The following CDH13 variants were observed in gnomAD, a reference collection of about 807,000 sequenced individuals.
CDH13 encodes the protein cadherin-13.
In CDH13, 24 loss-of-function variants were observed where a neutral mutation model predicts 63.8. The observed-to-expected ratio is 0.38, with a 90% CI of 0.27 to 0.53. CDH13 has a LOEUF of 0.53. Among genes scored for constraint, CDH13 ranks in the 20% least tolerant of loss-of-function variants. The probability of loss-of-function intolerance (pLI) is 0.85; values close to 1 mark genes in which losing one functional copy is unlikely to be tolerated. For synonymous variants in CDH13, 503 were observed against 355.3 expected, an observed-to-expected ratio of 1.42 and a Z score of -4.67; for missense variants, 1,049 against 903.1, an observed-to-expected ratio of 1.16 and a Z score of -2.07.
chr16:82,862,229 G>C (rs895735973), intron 2 of CDH13, among the ~76,000 whole-genome samples: 22 of 152,260 alleles, frequency 1.4e-4, no homozygotes, highest in Non-Finnish European at 2.2e-4. Flanking sequence ...AGCAACCCTG[G>C]TTACATCATG....
At chr16:83,227,733 CAG>C (rs968921368) in intron 5 of CDH13, among the ~76,000 whole-genome samples, 4 of 152,240 alleles carry the variant, frequency 2.6e-5, no homozygotes, top group Admixed American at 6.5e-5. Flanking sequence ...TGGAGGAAAA[CAG>C]GGGAGCATCT....
intron 10 of CDH13, among the ~76,000 whole-genome samples, chr16:83,707,836 CAAAAAAA>C (rs61067563): frequency 5.7e-4 from 45 of 78,874 alleles, no homozygotes; most frequent in East Asian, 1.5e-3. Context: ...ACCCTAAAGG[CAAAAAAA>C]AAAAAAAAAA....
At chr16:82,714,869 C>A (rs2032248037) in intron 1 of CDH13, among the ~76,000 whole-genome samples, 1 of 139,708 alleles carries the variant, frequency 7.2e-6, no homozygotes, top group South Asian at 2.7e-4. Flanking sequence ...AACAGACTGC[C>A]ATCTAGAGCC....
Position 83,023,408 on chromosome 16 carries a change from T to C in CDH13, c.158-8602T>C, listed in dbSNP as rs547906760. ...CCATGTACAGTATCTTATATGTGTA[T>C]ATTTTTTGCCTTCCAGAAGTTATTT... On this transcript the variant is annotated intron_variant, in intron 2 of 13. Transcript: ENST00000567109. Among the ~76,000 whole-genome samples the C allele has an allele frequency of 7.2e-5, 11 of 152,302 alleles. No individual in the cohort carries two copies. The South Asian group carries it at 2.3e-3, about 32-fold the overall frequency.
chr16:82,706,448 G>T (rs1028720803), intron 1 of CDH13, among the ~76,000 whole-genome samples: 1 of 152,152 alleles, frequency 6.6e-6, no homozygotes. Flanking sequence ...CAGAGTAGAA[G>T]GCCGTGGAGC....
intron 7 of CDH13, among the ~76,000 whole-genome samples, chr16:83,530,889 C>G (rs1366501052): frequency 6.6e-6 from 1 of 152,174 alleles, no homozygotes; most frequent in Non-Finnish European, 1.5e-5. Flanking sequence ...GGGTCAGAGG[C>G]AGAGCTGTGC....
intron 4 of CDH13, among the ~76,000 whole-genome samples, chr16:83,161,919 T>G (rs1345993189): frequency 6.6e-6 from 1 of 152,220 alleles, no homozygotes; most frequent in Non-Finnish European, 1.5e-5. Context: ...AGAGAACAAA[T>G]GATCATTATT....
intron 1 of CDH13, among the ~76,000 whole-genome samples, chr16:82,691,272 G>A (rs1915617887): frequency 6.6e-6 from 1 of 152,220 alleles, no homozygotes; most frequent in Admixed American, 6.5e-5. Context: ...CCTGCAGTCA[G>A]TCTCCCTATA....
At chr16:83,008,851 G>A (rs1036879576) in intron 2 of CDH13, among the ~76,000 whole-genome samples, 2 of 152,190 alleles carry the variant, frequency 1.3e-5, no homozygotes, top group Non-Finnish European at 2.9e-5. Context: ...GAAGAAAGAG[G>A]TTTCATTGAC....
intron 5 of CDH13, among the ~76,000 whole-genome samples, chr16:83,314,518 C>G (rs376152223): frequency 1.9e-4 from 29 of 152,136 alleles, no homozygotes; most frequent in African/African-American, 6.5e-4. Context: ...TATGCCTCAT[C>G]ATGGAAAGAC....
rs200102690 is a variant in CDH13 at position 83,217,505 on chromosome 16, C to G, written c.636+8C>G. The G allele has an allele frequency of 3.7e-6, 6 of 1,611,294 alleles. No individual in the cohort carries two copies. The highest frequency in any genetic ancestry group is 5.1e-6 in the Non-Finnish European group (6 of 1,178,052). On this transcript the variant is annotated splice_region_variant and intron_variant, in intron 5 of 13. Transcript: ENST00000567109. ...GTAATCGCTGTTTATCAAGTGAGTA[C>G]CCCTCTCCCATGCCCACCCTGTGCG...
chr16:82,663,433 C>T (rs1306380076), intron 1 of CDH13, among the ~76,000 whole-genome samples: 1 of 152,234 alleles, frequency 6.6e-6, no homozygotes. Flanking sequence ...AATCCACACG[C>T]CTCGGCCTCC....
chr16:83,350,122 C>T (rs1364300), intron 6 of CDH13, among the ~76,000 whole-genome samples: 63,280 of 152,062 alleles, frequency 0.42, 15,885 homozygotes, highest in East Asian at 0.76. Flanking sequence ...GCCAGCTGTG[C>T]GCAAGGGAAA....
chr16:83,410,171 C>A (rs1292016176), intron 6 of CDH13, among the ~76,000 whole-genome samples: 4 of 152,046 alleles, frequency 2.6e-5, no homozygotes, highest in African/African-American at 9.7e-5. Flanking sequence ...AAGTGAAGCA[C>A]CAAGATGCCA....
At chr16:83,223,124 C>G (rs781128153) in intron 5 of CDH13, among the ~76,000 whole-genome samples, 3 of 152,184 alleles carry the variant, frequency 2.0e-5, no homozygotes, top group African/African-American at 7.2e-5. Flanking sequence ...ACTGCTGTAA[C>G]AAAATATCGG....
intron 8 of CDH13, among the ~76,000 whole-genome samples, chr16:83,655,833 A>G (rs1912820330): frequency 6.6e-6 from 1 of 152,202 alleles, no homozygotes; most frequent in African/African-American, 2.4e-5. Context: ...GGCTGCTACT[A>G]TGCAGAGGAC....
At chr16:82,764,779 C>T (rs942827268) in intron 1 of CDH13, among the ~76,000 whole-genome samples, 1 of 151,288 alleles carries the variant, frequency 6.6e-6, no homozygotes, top group Non-Finnish European at 1.5e-5. Context: ...GAACCACACT[C>T]ACAGAGTCCC....
At chr16:82,947,860 A>G (rs1044100344) in intron 2 of CDH13, among the ~76,000 whole-genome samples, 1 of 152,172 alleles carries the variant, frequency 6.6e-6, no homozygotes, top group South Asian at 2.1e-4. Context: ...CCCTGACAAG[A>G]ATGAGTGTCA....
chr16:83,441,341 A>G (rs13335799), intron 6 of CDH13, among the ~76,000 whole-genome samples: 1,823 of 152,310 alleles, frequency 0.012, 37 homozygotes, highest in African/African-American at 0.042. Flanking sequence ...GAAAAACACA[A>G]TACATTTACA....
Sources: gnomAD v4.1 joint callset for allele counts (sites outside exome capture counted in the v4.1 genomes callset) on GRCh38, gnomAD v4.1.1 for gene constraint, MANE v1.5 for transcripts, NCBI Gene and HGNC (gene_info 2026-07-23, HGNC 2026-07-21) for gene names.